The following KIFC3 variants were observed in gnomAD, a reference collection of about 807,000 sequenced individuals.
KIFC3 encodes the protein kinesin family member C3.
KIFC3 carries 60 observed loss-of-function variants against 101.8 expected under a neutral mutation model. The observed-to-expected ratio is 0.59, with a 90% CI of 0.48 to 0.73. The LOEUF (loss-of-function observed/expected upper bound fraction) is 0.73, where lower values mean the gene tolerates loss of function less well. KIFC3 is among the 30% of genes least tolerant of loss of function. The pLI, the probability that KIFC3 is intolerant of heterozygous loss-of-function variation, is 0.00. For synonymous variants in KIFC3, 476 were observed against 482.7 expected (o/e 0.99, Z 0.18); for missense variants, 966 against 1,137.1 (o/e 0.85, Z 2.16).
chr16:57,799,512 C>G, intron 1 of KIFC3, among the ~76,000 whole-genome samples: 1 of 152,142 alleles, frequency 6.6e-6, no homozygotes, highest in East Asian at 1.9e-4. Context: ...TGTTTGCAGC[C>G]CCACTGCACC....
chr16:57,835,332 C>T (rs2055665348), intron 1 of KIFC3, among the ~76,000 whole-genome samples: 1 of 152,172 alleles, frequency 6.6e-6, no homozygotes, highest in Non-Finnish European at 1.5e-5. Flanking sequence ...GTCTCTTGTA[C>T]TCAGCCTGCT....
chr16:57,764,098 CT>C, intron 12 of KIFC3, 44 bp downstream of exon 12: 1 of 1,409,138 alleles, frequency 7.1e-7, no homozygotes, highest in Non-Finnish European at 1.0e-6. Context: ...CCCGCATTCC[CT>C]TCATGCTTCA....
intron 1 of KIFC3, among the ~76,000 whole-genome samples, chr16:57,825,997 T>G (rs562701914): frequency 1.3e-5 from 2 of 152,244 alleles, no homozygotes; most frequent in Non-Finnish European, 2.9e-5. Context: ...TTTTCTTGTT[T>G]AACTGTTTTT....
At chr16:57,764,388 A>G in intron 11 of KIFC3, 141 bp from the exon 12 acceptor site, 2 of 617,904 alleles carry the variant, frequency 3.2e-6, no homozygotes, top group Non-Finnish European at 5.9e-6. Context: ...TCAGCTCACA[A>G]TGATTCGTGA....
intron 1 of KIFC3, among the ~76,000 whole-genome samples, chr16:57,838,248 G>A (rs1324322308): frequency 5.9e-5 from 9 of 152,146 alleles, no homozygotes; most frequent in Non-Finnish European, 1.0e-4. Context: ...TCACCTGCAA[G>A]AGCAGCTGAT....
intron 3 of KIFC3, among the ~76,000 whole-genome samples, chr16:57,781,570 G>A (rs140124089): frequency 9.3e-4 from 141 of 152,304 alleles, no homozygotes; most frequent in Middle Eastern, 6.8e-3. Flanking sequence ...ATGGGCCATT[G>A]GCCCAACTGC....
chr16:57,805,618 C>T (rs534303230), upstream of KIFC3, among the ~76,000 whole-genome samples: 2 of 151,578 alleles, frequency 1.3e-5, no homozygotes, highest in South Asian at 2.1e-4. Flanking sequence ...GGACTAGCAG[C>T]GCCATCTTTG....
chr16:57,832,149 T>A (rs1432448783), intron 1 of KIFC3, among the ~76,000 whole-genome samples: 1 of 151,828 alleles, frequency 6.6e-6, no homozygotes, highest in African/African-American at 2.4e-5. Flanking sequence ...GCCTCCCAAG[T>A]AGCTGGGACT....
intron 1 of KIFC3, among the ~76,000 whole-genome samples, chr16:57,852,021 G>A (rs1024472040): frequency 5.3e-5 from 8 of 151,948 alleles, no homozygotes; most frequent in Non-Finnish European, 1.0e-4. Flanking sequence ...GATTACAAGT[G>A]TGAGCCACCA....
chr16:57,771,411 C>G lies in KIFC3; in HGVS notation c.552G>C (p.Leu184=). ...SQESAQLRDK[L]SQLQLEMAES... The stretch of plus-strand genomic sequence containing the variant: ...CCGCCATCTCCAGCTGCAGCTGGGA[C>G]AGCTTGTCACGGAGCTGGGCGCTCT... Residue 184 remains leucine (L), a synonymous_variant, in exon 6 of 20, where the codon CTG becomes CTC. Coordinates refer to ENST00000445690, the MANE Select transcript of KIFC3 (RefSeq NM_001130100.2). The G allele has an allele frequency of 3.1e-6, 5 of 1,613,638 alleles. No individual in the cohort carries two copies. The highest frequency in any genetic ancestry group is 4.2e-6 in the Non-Finnish European group (5 of 1,180,042).
At chr16:57,785,479 G>C in intron 3 of KIFC3, 1 of 1,287,152 alleles carries the variant, frequency 7.8e-7, no homozygotes. Flanking sequence ...TCTGCAGCTG[G>C]GTGGACGTGG....
chr16:57,785,491 C>T, intron 3 of KIFC3: 1 of 1,288,484 alleles, frequency 7.8e-7, no homozygotes, highest in African/African-American at 1.5e-5. Flanking sequence ...TGGACGTGGC[C>T]TGCTGGTCAC....
chr16:57,847,418 C>T (rs2055955464), intron 1 of KIFC3, among the ~76,000 whole-genome samples: 3 of 152,032 alleles, frequency 2.0e-5, no homozygotes, highest in Admixed American at 2.0e-4. Flanking sequence ...AGTAAAAATC[C>T]TGTGTCTATA....
chr16:57,804,514 G>A (rs1245474972), upstream of KIFC3, among the ~76,000 whole-genome samples: 1 of 152,200 alleles, frequency 6.6e-6, no homozygotes, highest in Non-Finnish European at 1.5e-5. Flanking sequence ...AAGGAAAAAG[G>A]AAATTGAAGT....
At chr16:57,792,076 C>G (rs557331810) in intron 3 of KIFC3, among the ~76,000 whole-genome samples, 1 of 152,342 alleles carries the variant, frequency 6.6e-6, no homozygotes, top group African/African-American at 2.4e-5. Flanking sequence ...ATGTGTTTCC[C>G]ACACTCCATC....
intron 1 of KIFC3, among the ~76,000 whole-genome samples, chr16:57,841,069 G>C (rs1229267517): frequency 6.6e-6 from 1 of 152,240 alleles, no homozygotes; most frequent in Non-Finnish European, 1.5e-5. Flanking sequence ...GGACAGTGCT[G>C]TTCTAGCCCT....
intron 9 of KIFC3, among the ~76,000 whole-genome samples, chr16:57,768,297 G>T (rs902127489): frequency 6.6e-6 from 1 of 152,074 alleles, no homozygotes; most frequent in Non-Finnish European, 1.5e-5. Context: ...AGTAAGCTGA[G>T]ATCCCGCCAT....
chr16:57,847,939 C>T (rs1368378819), intron 1 of KIFC3, among the ~76,000 whole-genome samples: 3 of 151,884 alleles, frequency 2.0e-5, no homozygotes, highest in Non-Finnish European at 4.4e-5. Flanking sequence ...GCGCACCCCA[C>T]CACATCTGGC....
rs2051170336 is a variant in KIFC3, at chr16:57,771,340, T to C, written c.623A>G (p.Lys208Arg). 6.2e-7 allele frequency: 1 copy of C among 1,613,686 alleles called. No individual in the cohort carries two copies. The highest frequency in any genetic ancestry group is 1.3e-5 in the African/African-American group (1 of 74,962). The change falls in exon 6 of 20, where the codon AAG becomes AGG. Residue 208 changes from lysine (K) to arginine (R), a missense_variant. This residue lies in a region of KIFC3 where 689 missense variants were observed against 884.6 expected (regional missense o/e 0.78). Coordinates refer to ENST00000445690, the MANE Select transcript of KIFC3 (RefSeq NM_001130100.2). The stretch of plus-strand genomic sequence containing the variant: ...CTCCACCTCAGCCAGCCGGTCGGTC[T>C]TCTGCTGCACCTCTAGGTTCAGCTC... ...LSELNLEVQQKTDRLAEVELR... is the reference protein window; with the variant it reads ...LSELNLEVQQRTDRLAEVELR...
Sources: gnomAD v4.1 joint callset for allele counts (sites outside exome capture counted in the v4.1 genomes callset) on GRCh38, gnomAD v4.1.1 for gene constraint, gnomAD v4.1.1 regional missense constraint, MANE v1.5 for transcripts, NCBI Gene and HGNC (gene_info 2026-07-23, HGNC 2026-07-21) for gene names.